The following ANKRD50 variants were observed in gnomAD, a reference collection of about 807,000 sequenced individuals.
The protein encoded by ANKRD50 is ankyrin repeat domain-containing protein 50.
A neutral mutation model predicts 112.0 loss-of-function variants in ANKRD50; 40 were observed. That is an observed-to-expected ratio of 0.36 (90% CI 0.28 to 0.46). The LOEUF (loss-of-function observed/expected upper bound fraction) is 0.46, where lower values mean the gene tolerates loss of function less well. Among genes scored for constraint, ANKRD50 ranks in the 20% least tolerant of loss-of-function variants. The pLI is 1.00. For synonymous variants in ANKRD50, 613 were observed against 619.1 expected (o/e 0.99, Z 0.15); for missense variants, 1,487 against 1,701.7 (o/e 0.87, Z 2.22).
At chr4:124,707,951 T>G (rs190040584) in intron 2 of ANKRD50, among the ~76,000 whole-genome samples, 11 of 152,282 alleles carry the variant, frequency 7.2e-5, no homozygotes, top group African/African-American at 2.6e-4. Flanking sequence ...TCAGACATGA[T>G]TTTTAAACAT....
At chr4:124,677,936 AC>A (rs1360100846) in intron 3 of ANKRD50, among the ~76,000 whole-genome samples, 10 of 152,080 alleles carry the variant, frequency 6.6e-5, no homozygotes, top group Admixed American at 3.3e-4. Context: ...AAATTACTAA[AC>A]TTTTACCAAC....
chr4:124,684,889 T>C, intron 2 of ANKRD50, among the ~76,000 whole-genome samples: 1 of 152,102 alleles, frequency 6.6e-6, no homozygotes, highest in Admixed American at 6.6e-5. Flanking sequence ...AGCTTTTTTC[T>C]TTTTCCCCCC....
intron 1 of ANKRD50, 22 bp downstream of exon 1, chr4:124,712,436 G>A: frequency 1.3e-5 from 2 of 159,210 alleles, no homozygotes; most frequent in Non-Finnish European, 2.7e-5. Flanking sequence ...CGCTTCCACC[G>A]CCGCCGCCGC....
chr4:124,669,383 T>C lies in ANKRD50; in HGVS notation c.3894A>G (p.Glu1298=), dbSNP rs749896966. ...QSNSSQPKVL[E]YEMTQFDRRG... ...TTCTATCAAACTGAGTCATTTCATA[T>C]TCTAAAACCTTTGGCTGTGAAGAAT... The change falls in exon 4 of 5, where the codon GAA becomes GAG. Residue 1298 remains glutamate, a synonymous_variant. Transcript: ENST00000504087. The C allele has an allele frequency of 3.0e-5, 49 of 1,613,612 alleles. No individual in the cohort carries two copies. The highest frequency in any genetic ancestry group is 3.7e-5 in the Non-Finnish European group (44 of 1,179,840).
At chr4:124,677,439 T>C (rs1272567613) in intron 3 of ANKRD50, among the ~76,000 whole-genome samples, 1 of 151,834 alleles carries the variant, frequency 6.6e-6, no homozygotes, top group East Asian at 1.9e-4. Context: ...GAAGGAGTAC[T>C]ATCTACCAAT....
At chr4:124,708,082 A>T (rs927080431) in intron 2 of ANKRD50, among the ~76,000 whole-genome samples, 10 of 152,184 alleles carry the variant, frequency 6.6e-5, no homozygotes, top group Admixed American at 6.5e-4. Context: ...GGTAGGTGTC[A>T]ATAAACCTAA....
At chr4:124,708,683 C>A (rs1367387716) in intron 2 of ANKRD50, among the ~76,000 whole-genome samples, 6 of 135,780 alleles carry the variant, frequency 4.4e-5, no homozygotes, top group African/African-American at 1.6e-4. Context: ...TCTAAGATTA[C>A]TAACACATAC....
chr4:124,677,733 G>A (rs1490527432), intron 3 of ANKRD50, among the ~76,000 whole-genome samples: 1 of 151,968 alleles, frequency 6.6e-6, no homozygotes, highest in African/African-American at 2.4e-5. Flanking sequence ...GATGGTGTAC[G>A]GAGTGTTTCA....
Position 124,671,973 on chromosome 4 carries a change from A to G in ANKRD50, c.1304T>C (p.Met435Thr), listed in dbSNP as rs1301387158. 1 of 1,613,956 alleles carries G rather than the reference A, an allele frequency of 6.2e-7. No individual in the cohort carries two copies. The highest frequency in any genetic ancestry group is 8.5e-7 in the Non-Finnish European group (1 of 1,179,888). ...TTGACAGGTATAACTCATAGCCAACATTCTGTGTCCTTCTGCTGCATTACA... is the reference window on the plus strand; with the variant it reads ...TTGACAGGTATAACTCATAGCCAACGTTCTGTGTCCTTCTGCTGCATTACA... ...YLCNAAEGHR[M>T]LAMSYTCQAK... The change falls in exon 4 of 5, where the codon ATG becomes ACG. Residue 435 changes from methionine (M) to threonine (T), a missense_variant. Met to Thr is a moderately conservative substitution (Grantham distance 81). Transcript: ENST00000504087.
intron 2 of ANKRD50, among the ~76,000 whole-genome samples, chr4:124,687,658 A>T (rs1461009188): frequency 2.0e-5 from 3 of 152,180 alleles, no homozygotes; most frequent in Non-Finnish European, 4.4e-5. Flanking sequence ...TACATAAATC[A>T]CTCTCAAAAC....
rs758191340 is a variant in ANKRD50, at chr4:124,710,667, G to C, written c.-156C>G. 68 of 878,074 alleles carry C rather than the reference G, an allele frequency of 7.7e-5. No homozygotes were observed. The highest frequency in any genetic ancestry group is 1.0e-4 in the Non-Finnish European group (59 of 575,210). The allele number at this position is 878,074 out of a possible 1,614,324, so 54.4% of individuals were successfully genotyped here. On this transcript the variant is annotated 5_prime_UTR_variant, in exon 2 of 5. Coordinates refer to ENST00000504087, the MANE Select transcript of ANKRD50 (RefSeq NM_020337.3). ...CACAGAGTTCCTCTGTCAACAGAAC[G>C]TGCATGACTTTATTTGGTTCCTTAT...
At chr4:124,711,961 GCTGGTGGGTGT>G (rs1725643758) in intron 1 of ANKRD50, among the ~76,000 whole-genome samples, 1 of 152,166 alleles carries the variant, frequency 6.6e-6, no homozygotes, top group Non-Finnish European at 1.5e-5. Context: ...GTGCTTCGGT[GCTGGTGGGTGT>G]CTGCCCACAG....
At chr4:124,704,191 AT>A (rs1725455283) in intron 2 of ANKRD50, among the ~76,000 whole-genome samples, 1 of 152,248 alleles carries the variant, frequency 6.6e-6, no homozygotes. Flanking sequence ...CACTTATTTT[AT>A]TTAAAACTTG....
At position 124,671,470 on chromosome 4, in the gene ANKRD50, T is replaced by G. The variant is rs1248197552; in HGVS notation, c.1807A>C (p.Asn603His). 3.1e-6 allele frequency: 5 copies of G among 1,613,772 alleles called. No individual in the cohort carries two copies. Among genetic ancestry groups the G allele is most frequent in the Non-Finnish European group, 4.2e-6 (5 of 1,179,832 alleles). The change falls in exon 4 of 5, where the codon AAT (asparagine) becomes CAT (histidine). Residue 603 changes from asparagine (N) to histidine (H), a missense_variant. Coordinates refer to ENST00000504087, the MANE Select transcript of ANKRD50 (RefSeq NM_020337.3). ...CCATCTTGATCAGTATGATTAATAT[T>G]TGCTCCACACCCAATCAAACAATTA... ...VVNCLIGCGA[N>H]INHTDQDGWT...
chr4:124,677,082 G>A (rs1459868305), intron 3 of ANKRD50, among the ~76,000 whole-genome samples: 2 of 151,624 alleles, frequency 1.3e-5, no homozygotes, highest in Non-Finnish European at 3.0e-5. Context: ...CTTTTGGAAA[G>A]CAATTTGACA....
intron 2 of ANKRD50, among the ~76,000 whole-genome samples, chr4:124,691,366 C>CGGTGGCGGGCG (rs1309687927): frequency 5.3e-5 from 8 of 150,292 alleles, no homozygotes; most frequent in Non-Finnish European, 1.0e-4. Context: ...GTGGCGGGCG[C>CGGTGGCGGGCG]CTGTAGTCCC....
chr4:124,681,517 ATAGTGGGGGTCAACCTAGTCTCCACTCT>A (rs1724886660), intron 2 of ANKRD50, among the ~76,000 whole-genome samples: 1 of 152,120 alleles, frequency 6.6e-6, no homozygotes, highest in Non-Finnish European at 1.5e-5. Context: ...TGGGCACATC[ATAGTGGGGGTCAACCTAGTCTCCACTCT>A]TAGCCACTAT....
intron 3 of ANKRD50, among the ~76,000 whole-genome samples, chr4:124,677,124 A>C (rs2110511978): frequency 6.6e-6 from 1 of 151,832 alleles, no homozygotes; most frequent in East Asian, 1.9e-4. Flanking sequence ...AATATCCTTA[A>C]ATTTTTACCT....
Position 124,671,976 on chromosome 4 carries a change from C to T in ANKRD50, c.1301G>A (p.Arg434Lys), listed in dbSNP as rs373734288. 1.9e-6 allele frequency: 3 copies of T among 1,613,800 alleles called. No individual in the cohort carries two copies. Among genetic ancestry groups the T allele is most frequent in the Non-Finnish European group, 1.7e-6 (2 of 1,179,888 alleles). ...KYLCNAAEGH[R>K]MLAMSYTCQA... ...ACAGGTATAACTCATAGCCAACATT[C>T]TGTGTCCTTCTGCTGCATTACATAA... Residue 434 changes from arginine (R) to lysine (K), a missense_variant, in exon 4 of 5, where the codon AGA (arginine) becomes AAA (lysine). Arg to Lys is a conservative substitution (Grantham distance 26, BLOSUM62 2). Transcript: ENST00000504087.
Sources: gnomAD v4.1 joint callset for allele counts (sites outside exome capture counted in the v4.1 genomes callset) on GRCh38, gnomAD v4.1.1 for gene constraint, MANE v1.5 for transcripts, NCBI Gene and HGNC (gene_info 2026-07-23, HGNC 2026-07-21) for gene names.